PI4KA: variants seen among roughly 807,000 people sequenced by gnomAD.
PI4KA encodes the protein PI4-kinase alpha.
In PI4KA, 122 loss-of-function variants were observed where a neutral mutation model predicts 271.4. The observed-to-expected ratio is 0.45, with a 90% CI of 0.39 to 0.52. The LOEUF is 0.52. PI4KA is among the 20% of genes least tolerant of loss of function. PI4KA has a pLI of 0.00. For missense variants in PI4KA, 1,969 were observed against 2,769.1 expected (o/e 0.71, Z 6.48); for synonymous variants, 1,041 against 1,078.8 (o/e 0.96, Z 0.69).
Position 20,818,495 on chromosome 22 carries a change from GA to G in PI4KA, c.843del (p.His282ThrfsTer14). On this transcript the variant is annotated frameshift_variant, in exon 7 of 55. Transcript: ENST00000255882. LOFTEE classifies it high-confidence loss of function. ...PPPSSPGGSA[F>X]HYFEASCLPD... is the part of the protein sequence containing the mutation. ...AGGTGAAGCCCACCTTCAAAGTAGT[GA>G]AAGGCAGATCCTCCAGGGGAACTGG... 6.3e-7 allele frequency: 1 copy of G among 1,580,470 alleles called. No individual in the cohort carries two copies. The highest frequency in any genetic ancestry group is 8.6e-7 in the Non-Finnish European group (1 of 1,167,132).
At chr22:20,834,738 C>A (rs1182112163) in intron 2 of PI4KA, 83 bp from the exon 3 acceptor site, 2 of 791,722 alleles carry the variant, frequency 2.5e-6, no homozygotes, top group East Asian at 5.4e-5. Context: ...AAGCCCAAAG[C>A]AAAGCATATC....
Position 20,802,059 on chromosome 22 carries a change from C to T in PI4KA, c.1638G>A (p.Glu546=). The T allele has an allele frequency of 1.2e-6, 2 of 1,614,040 alleles. No homozygotes were observed. ...TACCCGACATGACGTTCAGGGTTGA[C>T]TCGGAATGCTCATTGGTCACACTGA... ...IKISVTNEHS[E]STLNVMSGKK... is the part of the protein sequence containing the mutation. The change falls in exon 14 of 55, where the codon GAG becomes GAA. Residue 546 remains glutamate (E), a synonymous_variant. Transcript: ENST00000255882.
At chr22:20,729,753 A>C (rs370289257) in intron 37 of PI4KA, 42 bp from the exon 38 acceptor site, 18 of 1,574,788 alleles carry the variant, frequency 1.1e-5, no homozygotes, top group Admixed American at 1.8e-5. Flanking sequence ...CTCAGATGCT[A>C]CCTGTCTGCC....
chr22:20,733,000 T>C lies in PI4KA; in HGVS notation c.4259A>G (p.Tyr1420Cys). 1.2e-6 allele frequency: 2 copies of C among 1,610,732 alleles called. No homozygotes were observed. Among genetic ancestry groups the C allele is most frequent in the Non-Finnish European group, 1.7e-6 (2 of 1,178,724 alleles). ...FWTAMFSDKK[Y>C]LTASQLVPPD... ...GGGAACAAGCTGGCTGGCGGTCAGG[T>C]ACTTCTTATCTGAGAACATGGCGGT... Residue 1420 changes from tyrosine (Y) to cysteine (C), a missense_variant, in exon 36 of 55, where the codon TAC becomes TGC. Tyr to Cys is a radical substitution (Grantham distance 194, BLOSUM62 -2). Transcript: ENST00000255882.
chr22:20,844,585 C>A (rs1373311862), intron 1 of PI4KA, among the ~76,000 whole-genome samples: 1 of 152,134 alleles, frequency 6.6e-6, no homozygotes, highest in African/African-American at 2.4e-5. Flanking sequence ...CGACAGAGGG[C>A]CCTGAAAGCC....
chr22:20,801,360 CG>C, intron 14 of PI4KA, among the ~76,000 whole-genome samples: 1 of 148,722 alleles, frequency 6.7e-6, no homozygotes. Context: ...CTGAGGCAGG[CG>C]GATCACGAGG....
At chr22:20,850,991 G>A (rs1188702442) in intron 1 of PI4KA, among the ~76,000 whole-genome samples, 1 of 152,138 alleles carries the variant, frequency 6.6e-6, no homozygotes, top group African/African-American at 2.4e-5. Context: ...GTGGTAGTAA[G>A]TTATGATCAT....
chr22:20,796,392 CG>C (rs1934989714), intron 17 of PI4KA, 78 bp from the exon 18 acceptor site: 2 of 1,422,960 alleles, frequency 1.4e-6, no homozygotes, highest in African/African-American at 1.4e-5. Context: ...AGGGGTGAGG[CG>C]AGCTGAGCGG....
intron 30 of PI4KA, among the ~76,000 whole-genome samples, chr22:20,743,482 G>A (rs1929701806): frequency 1.3e-5 from 2 of 151,820 alleles, no homozygotes; most frequent in East Asian, 2.0e-4. Context: ...TTGAGACAGA[G>A]TCTTGCTCTG....
intron 9 of PI4KA, among the ~76,000 whole-genome samples, chr22:20,809,651 T>C (rs1029993873): frequency 3.9e-5 from 6 of 152,048 alleles, no homozygotes; most frequent in Admixed American, 1.3e-4. Context: ...CAAACACTTA[T>C]GATGGAAAAC....
intron 23 of PI4KA, among the ~76,000 whole-genome samples, chr22:20,760,851 G>A (rs1401883185): frequency 6.6e-6 from 1 of 152,210 alleles, no homozygotes; most frequent in Admixed American, 6.5e-5. Flanking sequence ...GCATCTGGAA[G>A]CAAGTGGCAT....
At chr22:20,749,843 G>T in intron 28 of PI4KA, 62 bp downstream of exon 28, 2 of 1,006,238 alleles carry the variant, frequency 2.0e-6, no homozygotes, top group Non-Finnish European at 3.2e-6. Context: ...TCATGTCTCT[G>T]TAAAGCTTTT....
At chr22:20,779,492 C>G in intron 19 of PI4KA, 1 of 1,614,168 alleles carries the variant, frequency 6.2e-7, no homozygotes, top group Admixed American at 1.7e-5. Flanking sequence ...CCGACTTCCA[C>G]AAGGAAAACA....
chr22:20,716,511 G>A (rs1246830802), intron 45 of PI4KA, among the ~76,000 whole-genome samples: 1 of 152,148 alleles, frequency 6.6e-6, no homozygotes, highest in Non-Finnish European at 1.5e-5. Flanking sequence ...GCCTTGCTGT[G>A]GGGTACAGGG....
intron 19 of PI4KA, chr22:20,786,977 G>A (rs201814439): frequency 6.2e-7 from 1 of 1,614,188 alleles, no homozygotes; most frequent in African/African-American, 1.3e-5. Flanking sequence ...CCGCTTCACT[G>A]TCGACCGCCC....
rs1232358720 is a variant in PI4KA at position 20,819,644 on chromosome 22, A to G, written c.786T>C (p.Ser262=). Reference sequence around the variant, plus strand: ...TTCCCCAGTAGCCCAGGCCCACCTGAGAGATGCTGGACACACTGCTGGTTT... The same window carrying G: ...TTCCCCAGTAGCCCAGGCCCACCTGGGAGATGCTGGACACACTGCTGGTTT... The part of the protein sequence containing the change: ...KRKTSSVSSI[S]QVSPERGMPP... Residue 262 remains serine, a synonymous_variant, in exon 6 of 55, where the codon TCT becomes TCC. Transcript: ENST00000255882. The G allele has an allele frequency of 1.4e-5, 23 of 1,613,320 alleles. No homozygotes were observed. The highest frequency in any genetic ancestry group is 1.8e-5 in the Non-Finnish European group (21 of 1,179,404).
chr22:20,751,900 C>A, intron 25 of PI4KA, 145 bp from the exon 26 acceptor site: 1 of 686,392 alleles, frequency 1.5e-6, no homozygotes, highest in Non-Finnish European at 2.6e-6. Flanking sequence ...CAGCAGGATG[C>A]CTGGCCTCCT....
chr22:20,779,572 G>A lies in PI4KA; in HGVS notation c.2328+13621C>T, dbSNP rs34324685. ...TATCTGGACCTGGAGAAGATATTCA[G>A]TGAAGACGACGACTACATCGACATC... On this transcript the variant is annotated intron_variant, in intron 19 of 54. Transcript: ENST00000255882. 1.3e-3 allele frequency: 2,175 copies of A among 1,614,212 alleles called. 21 individuals are homozygous for A. In the African/African-American group the frequency reaches 0.026, roughly 19 times the overall value.
chr22:20,713,198 T>A lies in PI4KA; in HGVS notation c.5571+83A>T, dbSNP rs1056569552. The A allele has an allele frequency of 1.0e-5, 10 of 969,174 alleles. No homozygotes were observed. The African/African-American group carries it at 1.6e-4, about 16-fold the overall frequency. 60.0% of individuals were successfully genotyped at this position (969,174 alleles called of 1,614,324 possible). On this transcript the variant is annotated intron_variant, in intron 48 of 54. Transcript: ENST00000255882. The stretch of plus-strand genomic sequence containing the variant: ...AGGAAAAGATTCACATTTCTGCATA[T>A]GAGATTGGACTCTGGCGGGCCTGGA...
Sources: allele counts gnomAD v4.1 joint callset (sites outside exome capture counted in the v4.1 genomes callset), GRCh38; gene constraint gnomAD v4.1.1; transcripts MANE v1.5; gene names NCBI Gene and HGNC (gene_info 2026-07-23, HGNC 2026-07-21).